The following PCSK6 variants were observed in gnomAD, a reference collection of about 807,000 sequenced individuals.
The protein encoded by PCSK6 is paired basic amino acid cleaving enzyme 4.
In PCSK6, 85 loss-of-function variants were observed where a neutral mutation model predicts 123.3. The ratio of observed to expected loss-of-function variants is 0.69; its 90% confidence interval spans 0.58 to 0.83. The LOEUF (loss-of-function observed/expected upper bound fraction) is 0.83, where lower values mean the gene tolerates loss of function less well. PCSK6 is among the 40% of genes least tolerant of loss of function. PCSK6 has a pLI of 0.00. For missense variants in PCSK6, 1,191 were observed against 1,282.3 expected (o/e 0.93, Z 1.09); for synonymous variants, 508 against 516.0 (o/e 0.98, Z 0.21).
intron 13 of PCSK6, chr15:101,334,636 T>C (rs12900794): frequency 0.62 from 93,802 of 152,150 alleles, 29,680 homozygotes; most frequent in African/African-American, 0.76. Flanking sequence ...GTTGTGATGA[T>C]GGTAGGACAG....
Position 101,379,963 on chromosome 15 carries a change from C to A in PCSK6, c.1532+2129G>T, listed in dbSNP as rs147516583. Among the ~76,000 whole-genome samples, 865 of 152,254 alleles carry A rather than the reference C, an allele frequency of 5.7e-3. 6 individuals carry two copies. The highest frequency in any genetic ancestry group is 0.019 in the African/African-American group (804 of 41,560). On this transcript the variant is annotated intron_variant, in intron 11 of 21. Transcript: ENST00000611716. ...TCTCTGGAGGCCCGTATGTCCTCTG[C>A]AACAACCACGTTACAGAGTTAAGCA...
chr15:101,351,579 G>A (rs1191369320), intron 13 of PCSK6, among the ~76,000 whole-genome samples: 2 of 152,130 alleles, frequency 1.3e-5, no homozygotes, highest in Admixed American at 1.3e-4. Context: ...CTGGCTAAAT[G>A]GAATTTATAA....
At chr15:101,332,729 A>G (rs2040397146) in intron 13 of PCSK6, among the ~76,000 whole-genome samples, 1 of 152,198 alleles carries the variant, frequency 6.6e-6, no homozygotes, top group Non-Finnish European at 1.5e-5. Flanking sequence ...AGACACAGGA[A>G]AGACAGTGCT....
At position 101,393,002 on chromosome 15, in the gene PCSK6, G is replaced by T. The variant is rs1344629738; in HGVS notation, c.1209+210C>A. On this transcript the variant is annotated intron_variant, in intron 8 of 21. Coordinates refer to ENST00000611716, the MANE Select transcript of PCSK6 (RefSeq NM_002570.5). Reference sequence around the variant, plus strand: ...GGTTTAACTGCTATTTCTGTGCAAAGATTAGAAAGCCAGTGTCCGAGGAAG... The same window carrying T: ...GGTTTAACTGCTATTTCTGTGCAAATATTAGAAAGCCAGTGTCCGAGGAAG... Among the ~76,000 whole-genome samples the T allele has an allele frequency of 2.0e-5, 3 of 152,190 alleles. No individual in the cohort carries two copies. The East Asian group carries it at 5.8e-4, about 29-fold the overall frequency.
At chr15:101,310,766 A>T (rs1343506807) in intron 20 of PCSK6, among the ~76,000 whole-genome samples, 1 of 152,082 alleles carries the variant, frequency 6.6e-6, no homozygotes, top group Non-Finnish European at 1.5e-5. Context: ...GGAATAGGTT[A>T]CAACCCACAG....
intron 1 of PCSK6, among the ~76,000 whole-genome samples, chr15:101,471,004 G>A (rs901642572): frequency 6.6e-6 from 1 of 152,218 alleles, no homozygotes; most frequent in Non-Finnish European, 1.5e-5. Flanking sequence ...TGCCAGGGGT[G>A]TCTGCGGCTT....
intron 13 of PCSK6, among the ~76,000 whole-genome samples, chr15:101,362,110 C>G (rs911575256): frequency 1.3e-5 from 2 of 152,040 alleles, no homozygotes; most frequent in African/African-American, 4.8e-5. Context: ...GTGCCCGCCA[C>G]CATGCCTGGT....
intron 15 of PCSK6, among the ~76,000 whole-genome samples, chr15:101,330,247 C>T (rs2040346498): frequency 6.6e-6 from 1 of 152,218 alleles, no homozygotes; most frequent in Non-Finnish European, 1.5e-5. Context: ...ATCTTGCCTG[C>T]TGCTGTCCTG....
intron 1 of PCSK6, among the ~76,000 whole-genome samples, chr15:101,459,142 A>G (rs1238230637): frequency 6.6e-6 from 1 of 152,084 alleles, no homozygotes; most frequent in Non-Finnish European, 1.5e-5. Flanking sequence ...GGGAATCCCT[A>G]TTATATACAA....
At chr15:101,363,054 G>A (rs576716202) in intron 13 of PCSK6, among the ~76,000 whole-genome samples, 302 of 152,310 alleles carry the variant, frequency 2.0e-3, no homozygotes, top group African/African-American at 7.0e-3. Flanking sequence ...TTGTTCTGCC[G>A]GCTTTGCCAT....
At position 101,437,081 on chromosome 15, in the gene PCSK6, G is replaced by A. The variant is rs188125327; in HGVS notation, c.403-4981C>T. 2.0e-5 allele frequency among the ~76,000 whole-genome samples: 3 copies of A among 152,206 alleles called. No homozygotes were observed. The East Asian group carries it at 5.8e-4, about 29-fold the overall frequency. ...TGAGCATGATGTCTTTTTTCCTCTG[G>A]AGAGCGAGAGGCCCCACAACTTCCA... On this transcript the variant is annotated intron_variant, in intron 2 of 21. Transcript: ENST00000611716.
intron 13 of PCSK6, among the ~76,000 whole-genome samples, chr15:101,339,464 A>G (rs1341953153): frequency 2.0e-5 from 3 of 152,230 alleles, no homozygotes; most frequent in Non-Finnish European, 2.9e-5. Context: ...GTTTGGGCGG[A>G]AGGAATAAAA....
At chr15:101,337,585 T>C (rs1213768420) in intron 13 of PCSK6, among the ~76,000 whole-genome samples, 1 of 152,266 alleles carries the variant, frequency 6.6e-6, no homozygotes, top group East Asian at 1.9e-4. Context: ...TCTTGCATAG[T>C]TGAAAACACA....
intron 15 of PCSK6, among the ~76,000 whole-genome samples, chr15:101,328,378 G>A (rs2040305560): frequency 6.6e-6 from 1 of 152,206 alleles, no homozygotes; most frequent in African/African-American, 2.4e-5. Flanking sequence ...GAGACGGGCG[G>A]GCAGGGCTTG....
At chr15:101,320,987 G>T (rs1178216091) in intron 18 of PCSK6, among the ~76,000 whole-genome samples, 1 of 152,188 alleles carries the variant, frequency 6.6e-6, no homozygotes, top group Non-Finnish European at 1.5e-5. Flanking sequence ...TACAGGATGG[G>T]ACGGGATGCA....
intron 1 of PCSK6, among the ~76,000 whole-genome samples, chr15:101,475,844 A>C (rs557737537): frequency 1.3e-5 from 2 of 152,180 alleles, no homozygotes; most frequent in East Asian, 3.9e-4. Context: ...TAAAACAACC[A>C]CCAGATCTCA....
At chr15:101,430,165 G>A in intron 4 of PCSK6, 102 bp from the exon 5 acceptor site, 2 of 829,098 alleles carry the variant, frequency 2.4e-6, no homozygotes, top group Non-Finnish European at 4.1e-6. Context: ...CACACGCGGG[G>A]CTCCTCTCTT....
At chr15:101,445,021 G>A (rs184442788) in intron 1 of PCSK6, among the ~76,000 whole-genome samples, 2 of 152,278 alleles carry the variant, frequency 1.3e-5, no homozygotes, top group African/African-American at 2.4e-5. Context: ...CTTTGTCCTC[G>A]AAATAAAGAG....
Position 101,305,695 on chromosome 15 carries a change from C to CA in PCSK6, c.2813-341dup, listed in dbSNP as rs1234084981. 5.2e-6 allele frequency: 1 copy of CA among 191,622 alleles called. No individual in the cohort carries two copies. The highest frequency in any genetic ancestry group is 1.1e-5 in the Non-Finnish European group (1 of 92,738). The allele number at this position is 191,622 out of a possible 1,614,324, so 11.9% of individuals were successfully genotyped here. On this transcript the variant is annotated intron_variant, in intron 21 of 21. Coordinates refer to ENST00000611716, the MANE Select transcript of PCSK6 (RefSeq NM_002570.5). The surrounding 1 kb of genome is among the most constrained non-coding windows in gnomAD (Gnocchi z 4.8). Reference sequence around the variant, plus strand: ...TGCACTCCAGCCTGGGCAAGAAGAACAAAACTCCGTCTCAAAAATAAATAA... The same window carrying CA: ...TGCACTCCAGCCTGGGCAAGAAGAACAAAAACTCCGTCTCAAAAATAAATAA...
Sources: gnomAD v4.1 joint callset for allele counts (sites outside exome capture counted in the v4.1 genomes callset) on GRCh38, gnomAD v4.1.1 for gene constraint, Gnocchi (gnomAD v3.1) non-coding constraint, MANE v1.5 for transcripts, NCBI Gene and HGNC (gene_info 2026-07-23, HGNC 2026-07-21) for gene names.